The following USH2A variants were observed in gnomAD, a reference collection of about 807,000 sequenced individuals.
USH2A encodes usherin.
A neutral mutation model predicts 538.9 loss-of-function variants in USH2A; 443 were observed. The observed-to-expected ratio is 0.82, with a 90% CI of 0.76 to 0.89. USH2A has a LOEUF of 0.89. Ranked by LOEUF, USH2A falls within the 40% of genes least tolerant of loss-of-function variation. The pLI, the probability that USH2A is intolerant of heterozygous loss-of-function variation, is 0.00. For synonymous variants in USH2A, 2,413 were observed against 2,273.5 expected, an observed-to-expected ratio of 1.06 and a Z score of -1.75; for missense variants, 6,633 against 6,324.8, an observed-to-expected ratio of 1.05 and a Z score of -1.65.
intron 3 of USH2A, among the ~76,000 whole-genome samples, chr1:216,379,481 C>T (rs1308448581): frequency 6.6e-6 from 1 of 151,394 alleles, no homozygotes; most frequent in African/African-American, 2.4e-5. Flanking sequence ...AACCAGTTAA[C>T]AAATTGTAAG....
chr1:216,017,617 G>GA (rs1237335680), intron 32 of USH2A, among the ~76,000 whole-genome samples: 1 of 152,076 alleles, frequency 6.6e-6, no homozygotes, highest in African/African-American at 2.4e-5. Flanking sequence ...GACATAATAA[G>GA]AATAATAAGT....
At chr1:215,830,271 G>A (rs1315106405) in intron 47 of USH2A, among the ~76,000 whole-genome samples, 1 of 152,044 alleles carries the variant, frequency 6.6e-6, no homozygotes, top group Non-Finnish European at 1.5e-5. Flanking sequence ...CCCCATTTTT[G>A]TTTTGTTTTG....
chr1:216,334,001 T>G (rs2037923020), intron 4 of USH2A, among the ~76,000 whole-genome samples: 1 of 151,992 alleles, frequency 6.6e-6, no homozygotes, highest in African/African-American at 2.4e-5. Flanking sequence ...TAGAGAGCAA[T>G]GTAATCCAGA....
chr1:215,942,074 C>T (rs1201102784), intron 37 of USH2A, among the ~76,000 whole-genome samples: 1 of 152,048 alleles, frequency 6.6e-6, no homozygotes, highest in African/African-American at 2.4e-5. Context: ...GACTGAAATC[C>T]CATCTGAAGG....
At chr1:215,779,251 T>C (rs1461350091) in intron 55 of USH2A, among the ~76,000 whole-genome samples, 2 of 152,228 alleles carry the variant, frequency 1.3e-5, no homozygotes, top group Non-Finnish European at 2.9e-5. Flanking sequence ...TAAAACCTGT[T>C]AATTATTATC....
chr1:216,269,515 A>C (rs994269775), intron 11 of USH2A, among the ~76,000 whole-genome samples: 83 of 152,082 alleles, frequency 5.5e-4, no homozygotes, highest in Non-Finnish European at 1.0e-3. Context: ...CCCAACTCTC[A>C]AATGCATGAT....
At chr1:215,762,516 TCCATGC>T (rs993347907) in intron 56 of USH2A, among the ~76,000 whole-genome samples, 1 of 152,184 alleles carries the variant, frequency 6.6e-6, no homozygotes, top group Admixed American at 6.6e-5. Flanking sequence ...TGGTAATAAC[TCCATGC>T]CCATTGGTTT....
intron 49 of USH2A, among the ~76,000 whole-genome samples, chr1:215,799,750 C>T (rs991049081): frequency 1.3e-5 from 2 of 152,056 alleles, no homozygotes; most frequent in Admixed American, 6.6e-5. Flanking sequence ...CTTTGGGAGG[C>T]CTAGGTGGGT....
chr1:215,744,098 A>G (rs112762771), intron 58 of USH2A, among the ~76,000 whole-genome samples: 275 of 152,238 alleles, frequency 1.8e-3, no homozygotes, highest in African/African-American at 6.5e-3. Flanking sequence ...AACAACACCA[A>G]TTTTGCTTGT....
chr1:216,090,376 G>A (rs1360751922), intron 22 of USH2A, among the ~76,000 whole-genome samples: 1 of 149,198 alleles, frequency 6.7e-6, no homozygotes, highest in African/African-American at 2.5e-5. Flanking sequence ...TTCCTGTCGG[G>A]CCTCATAAAG....
At chr1:216,386,529 A>C (rs1436098982) in intron 3 of USH2A, among the ~76,000 whole-genome samples, 1 of 94,284 alleles carries the variant, frequency 1.1e-5, no homozygotes, top group Non-Finnish European at 2.1e-5. Context: ...ACAAAAAACA[A>C]AAACCAAAAA....
At chr1:216,125,918 T>C (rs568267722) in intron 21 of USH2A, among the ~76,000 whole-genome samples, 3 of 152,222 alleles carry the variant, frequency 2.0e-5, no homozygotes, top group Non-Finnish European at 4.4e-5. Flanking sequence ...ACGCCGTAGG[T>C]CTTTTATCAT....
At chr1:216,128,456 T>C (rs1329844313) in intron 21 of USH2A, among the ~76,000 whole-genome samples, 1 of 152,108 alleles carries the variant, frequency 6.6e-6, no homozygotes, top group Non-Finnish European at 1.5e-5. Flanking sequence ...TTTCAAATTA[T>C]AATGCCTTTC....
chr1:216,145,975 C>A (rs1471816680), intron 21 of USH2A, among the ~76,000 whole-genome samples: 1 of 152,206 alleles, frequency 6.6e-6, no homozygotes, highest in African/African-American at 2.4e-5. Flanking sequence ...CTCAGCCCAC[C>A]TGCACCCAGG....
chr1:216,049,994 GCTCT>G (rs112442913), intron 30 of USH2A, among the ~76,000 whole-genome samples: 11 of 152,134 alleles, frequency 7.2e-5, no homozygotes, highest in African/African-American at 1.7e-4. Context: ...GCCAAATTCA[GCTCT>G]CTCTAATTTC....
intron 41 of USH2A, among the ~76,000 whole-genome samples, chr1:215,882,702 C>G (rs1264234211): frequency 1.3e-5 from 2 of 152,022 alleles, no homozygotes; most frequent in East Asian, 3.9e-4. Flanking sequence ...TTTTTAAAAA[C>G]TTTTCACAGA....
intron 9 of USH2A, among the ~76,000 whole-genome samples, chr1:216,308,692 T>C (rs918262164): frequency 6.6e-6 from 1 of 152,222 alleles, no homozygotes; most frequent in Non-Finnish European, 1.5e-5. Flanking sequence ...CTTGCCAATT[T>C]CTCTTTCTGG....
chr1:216,377,788 A>C (rs1175522626), intron 3 of USH2A, among the ~76,000 whole-genome samples: 1 of 39,212 alleles, frequency 2.6e-5, no homozygotes, highest in Non-Finnish European at 7.9e-5. Flanking sequence ...AAAAAGAAAG[A>C]AAGAGAAGGA....
At chr1:215,842,527 T>C (rs974669494) in intron 46 of USH2A, among the ~76,000 whole-genome samples, 2 of 152,184 alleles carry the variant, frequency 1.3e-5, no homozygotes, top group Non-Finnish European at 2.9e-5. Context: ...ATTGCAGCAC[T>C]ATTAACAATA....
Sources: gnomAD v4.1 joint callset for allele counts (sites outside exome capture counted in the v4.1 genomes callset) on GRCh38, gnomAD v4.1.1 for gene constraint, MANE v1.5 for transcripts, NCBI Gene and HGNC (gene_info 2026-07-23, HGNC 2026-07-21) for gene names.